The following FHIT variants were observed in gnomAD, a reference collection of about 807,000 sequenced individuals.
FHIT encodes the protein bis(5'-adenosyl)-triphosphatase.
FHIT carries 19 observed loss-of-function variants against 17.9 expected under a neutral mutation model. The ratio of observed to expected loss-of-function variants is 1.06; its 90% confidence interval spans 0.74 to 1.56. The LOEUF is 1.56. Among genes scored for constraint, FHIT ranks in the 40% most tolerant of loss-of-function variants. The probability of loss-of-function intolerance (pLI) is 0.00; values close to 1 mark genes in which losing one functional copy is unlikely to be tolerated. For missense variants in FHIT, 248 were observed against 189.2 expected, an observed-to-expected ratio of 1.31 and a Z score of -1.82; for synonymous variants, 81 against 69.7, an observed-to-expected ratio of 1.16 and a Z score of -0.81.
At position 60,754,651 on chromosome 3, in the gene FHIT, CTCAACT is replaced by C. The variant is rs1339120395; in HGVS notation, c.-18+67262_-18+67267del. 2.6e-5 allele frequency among the ~76,000 whole-genome samples: 4 copies of C among 152,000 alleles called. 1 individual carries two copies. Among genetic ancestry groups the C allele is most frequent in the Admixed American group, 1.3e-4 (2 of 15,254 alleles). ...TGTCTCAAAAAAAAAAAAGTACTGG[CTCAACT>C]ACTATGATGAGAAGCTTTTGGGAGA... On this transcript the variant is annotated intron_variant, in intron 4 of 9. Transcript: ENST00000492590.
At chr3:59,757,198 G>A (rs2106761347) in intron 8 of FHIT, among the ~76,000 whole-genome samples, 1 of 152,310 alleles carries the variant, frequency 6.6e-6, no homozygotes, top group Admixed American at 6.5e-5. Context: ...AGAGGAAAGT[G>A]CACGCCAAAG....
At chr3:60,003,205 C>T (rs533140830) in intron 7 of FHIT, among the ~76,000 whole-genome samples, 16 of 152,254 alleles carry the variant, frequency 1.1e-4, no homozygotes, top group Admixed American at 3.3e-4. Flanking sequence ...CCACATTGCA[C>T]TGCTTCCCCT....
At chr3:60,758,293 A>G (rs1261697831) in intron 4 of FHIT, among the ~76,000 whole-genome samples, 2 of 152,164 alleles carry the variant, frequency 1.3e-5, no homozygotes, top group Non-Finnish European at 2.9e-5. Flanking sequence ...GCTAGCCCCA[A>G]GGTACTGCAC....
chr3:60,393,565 C>T (rs534032535), intron 5 of FHIT, among the ~76,000 whole-genome samples: 8 of 152,158 alleles, frequency 5.3e-5, no homozygotes, highest in African/African-American at 1.7e-4. Context: ...GATCCTTCCT[C>T]ACACACTGTG....
At chr3:60,621,291 G>C (rs782217765) in intron 4 of FHIT, among the ~76,000 whole-genome samples, 1 of 151,602 alleles carries the variant, frequency 6.6e-6, no homozygotes, top group Non-Finnish European at 1.5e-5. Context: ...TGTGATTACA[G>C]GTGCCCACGA....
chr3:61,160,278 T>C (rs2037650391), intron 2 of FHIT, among the ~76,000 whole-genome samples: 1 of 146,620 alleles, frequency 6.8e-6, no homozygotes, highest in African/African-American at 2.5e-5. Flanking sequence ...TCTGAGGCAA[T>C]GGTGAGAGAC....
intron 3 of FHIT, among the ~76,000 whole-genome samples, chr3:60,928,515 C>A (rs1707775122): frequency 6.6e-6 from 1 of 150,554 alleles, no homozygotes; most frequent in African/African-American, 2.4e-5. Context: ...TGCTACTGCA[C>A]TCCAGCCTAG....
intron 7 of FHIT, among the ~76,000 whole-genome samples, chr3:59,965,295 C>T (rs930775630): frequency 6.6e-6 from 1 of 152,078 alleles, no homozygotes; most frequent in Non-Finnish European, 1.5e-5. Context: ...ATACAGACTC[C>T]ACTCAGGAGA....
chr3:60,744,108 G>T (rs1272475916), intron 4 of FHIT, among the ~76,000 whole-genome samples: 1 of 151,874 alleles, frequency 6.6e-6, no homozygotes, highest in Non-Finnish European at 1.5e-5. Flanking sequence ...GCGATGCTCT[G>T]ACCTGAGACC....
At chr3:59,851,795 G>A (rs760050318) in intron 8 of FHIT, among the ~76,000 whole-genome samples, 1 of 152,198 alleles carries the variant, frequency 6.6e-6, no homozygotes, top group Non-Finnish European at 1.5e-5. Context: ...TCTTGGAGGT[G>A]TTATTTTTAA....
chr3:61,180,695 G>C (rs2038314213), intron 2 of FHIT, among the ~76,000 whole-genome samples: 1 of 152,182 alleles, frequency 6.6e-6, no homozygotes, highest in Non-Finnish European at 1.5e-5. Context: ...TCACAAAAAA[G>C]TACCAAGCAA....
intron 2 of FHIT, among the ~76,000 whole-genome samples, chr3:61,065,416 G>A (rs2034569937): frequency 6.6e-6 from 1 of 152,048 alleles, no homozygotes; most frequent in African/African-American, 2.4e-5. Flanking sequence ...TTTTGCATGT[G>A]AATTTCATAA....
At chr3:60,713,812 G>A (rs1215273090) in intron 4 of FHIT, among the ~76,000 whole-genome samples, 1 of 151,796 alleles carries the variant, frequency 6.6e-6, no homozygotes, top group Non-Finnish European at 1.5e-5. Context: ...ACCAAAAAGA[G>A]TCCAGGACCA....
chr3:60,289,363 G>A (rs935113665), intron 5 of FHIT, among the ~76,000 whole-genome samples: 3 of 152,042 alleles, frequency 2.0e-5, no homozygotes, highest in African/African-American at 7.2e-5. Context: ...ACATTAAAAG[G>A]CCATTTTAAG....
chr3:59,975,271 G>A (rs58197240), intron 7 of FHIT, among the ~76,000 whole-genome samples: 14,662 of 152,140 alleles, frequency 0.096, 896 homozygotes, highest in Admixed American at 0.13. Context: ...GGGCCTCAGA[G>A]TGAGATAACC....
In FHIT at chr3:60,308,984, C is replaced by T. The variant is rs534080356; in HGVS notation, c.103+227876G>A. 5.5e-4 allele frequency among the ~76,000 whole-genome samples: 83 copies of T among 152,184 alleles called. 1 individual carries two copies. In the South Asian group the frequency reaches 0.011, roughly 21 times the overall value. On this transcript the variant is annotated intron_variant, in intron 5 of 9. Coordinates refer to ENST00000492590, the MANE Select transcript of FHIT (RefSeq NM_002012.4). The stretch of plus-strand genomic sequence containing the variant: ...TATCTCACACATCACACACCCAGTA[C>T]GAAAATGGAGTTTTTAAGATATCCA...
intron 4 of FHIT, among the ~76,000 whole-genome samples, chr3:60,736,000 G>A (rs376392014): frequency 6.6e-6 from 1 of 152,194 alleles, no homozygotes; most frequent in East Asian, 1.9e-4. Context: ...TAAAATGGTA[G>A]CTCACAAAGA....
At chr3:61,243,240 C>T (rs1040783286) in intron 1 of FHIT, among the ~76,000 whole-genome samples, 5 of 152,176 alleles carry the variant, frequency 3.3e-5, no homozygotes, top group Non-Finnish European at 5.9e-5. Context: ...GCCCCCAGAC[C>T]TAACCACCTC....
intron 4 of FHIT, among the ~76,000 whole-genome samples, chr3:60,779,936 GT>G (rs1442143261): frequency 1.3e-5 from 2 of 152,226 alleles, no homozygotes; most frequent in African/African-American, 2.4e-5. Context: ...TAGGGCATAC[GT>G]GGGTAAGAGC....
Sources: gnomAD v4.1 joint callset for allele counts (sites outside exome capture counted in the v4.1 genomes callset) on GRCh38, gnomAD v4.1.1 for gene constraint, MANE v1.5 for transcripts, NCBI Gene and HGNC (gene_info 2026-07-23, HGNC 2026-07-21) for gene names.